QTMAN: variants seen among roughly 807,000 people sequenced by gnomAD.
QTMAN encodes tRNA-queuosine alpha-mannosyltransferase.
At chr2:144,207,569 C>A in the QTMAN span, among the ~76,000 whole-genome samples, 1 of 152,190 alleles carries the variant, frequency 6.6e-6, no homozygotes, top group Non-Finnish European at 1.5e-5. Context: ...CAGTCCTACA[C>A]ACAGGCTTAT....
chr2:144,068,180 C>T, the QTMAN span, among the ~76,000 whole-genome samples: 1 of 152,152 alleles, frequency 6.6e-6, no homozygotes, highest in Non-Finnish European at 1.5e-5. Flanking sequence ...GAGACATCTA[C>T]TTCAAGTATG....
the QTMAN span, chr2:144,005,905 C>A: frequency 6.6e-6 from 1 of 151,980 alleles, no homozygotes; most frequent in African/African-American, 2.4e-5. Flanking sequence ...TACCCTGGAA[C>A]CAACTTTTAG....
chr2:144,028,416 C>G, the QTMAN span, among the ~76,000 whole-genome samples: 1 of 152,164 alleles, frequency 6.6e-6, no homozygotes, highest in Admixed American at 6.5e-5. Context: ...ATATCAAACT[C>G]TCAACCTATA....
chr2:144,066,016 G>T, the QTMAN span, among the ~76,000 whole-genome samples: 1 of 152,102 alleles, frequency 6.6e-6, no homozygotes, highest in Non-Finnish European at 1.5e-5. Flanking sequence ...AAAGTTAGGG[G>T]AGGTAAGTTC....
the QTMAN span, among the ~76,000 whole-genome samples, chr2:144,041,191 A>C: frequency 6.6e-6 from 1 of 152,208 alleles, no homozygotes; most frequent in African/African-American, 2.4e-5. Context: ...CATAACCAGA[A>C]GTTAAGAGTT....
At chr2:144,294,056 C>G in the QTMAN span, among the ~76,000 whole-genome samples, 1 of 152,152 alleles carries the variant, frequency 6.6e-6, no homozygotes, top group Non-Finnish European at 1.5e-5. Context: ...TCTCCAAAAC[C>G]CTCTGGAAAT....
the QTMAN span, among the ~76,000 whole-genome samples, chr2:144,088,211 AAAAC>A: frequency 1.3e-4 from 20 of 152,122 alleles, no homozygotes; most frequent in East Asian, 5.8e-4. Flanking sequence ...AACTGCTACA[AAAAC>A]AAACAAACAA....
At chr2:143,984,734 AGAG>A in the QTMAN span, among the ~76,000 whole-genome samples, 1 of 152,296 alleles carries the variant, frequency 6.6e-6, no homozygotes, top group Admixed American at 6.5e-5. Flanking sequence ...CTGAACATCG[AGAG>A]GAGAAGCAGC....
At chr2:144,282,786 A>C in the QTMAN span, among the ~76,000 whole-genome samples, 1 of 152,034 alleles carries the variant, frequency 6.6e-6, no homozygotes, top group Non-Finnish European at 1.5e-5. Context: ...CACCAGAAAG[A>C]CCAAGCCGTG....
chr2:144,019,438 GTGTGTGTGT>G, the QTMAN span, among the ~76,000 whole-genome samples: 3 of 91,772 alleles, frequency 3.3e-5, no homozygotes, highest in Admixed American at 1.2e-4. Flanking sequence ...GCATGCAGGT[GTGTGTGTGT>G]GTGTGTGTGT....
the QTMAN span, among the ~76,000 whole-genome samples, chr2:144,269,125 CG>C: frequency 6.6e-6 from 1 of 152,114 alleles, no homozygotes; most frequent in East Asian, 1.9e-4. Context: ...TATAAATCTA[CG>C]TAAGATGTTA....
At chr2:144,197,579 T>C in the QTMAN span, among the ~76,000 whole-genome samples, 1 of 152,164 alleles carries the variant, frequency 6.6e-6, no homozygotes, top group African/African-American at 2.4e-5. Context: ...CTCTGTAATT[T>C]TGACTAAATT....
chr2:144,053,914 G>A, the QTMAN span, among the ~76,000 whole-genome samples: 2 of 152,196 alleles, frequency 1.3e-5, no homozygotes, highest in Admixed American at 6.5e-5. Context: ...CTGGCCGGGC[G>A]TGGTGGCTCA....
chr2:143,960,576 C>A, the QTMAN span, among the ~76,000 whole-genome samples: 1 of 151,946 alleles, frequency 6.6e-6, no homozygotes. Flanking sequence ...TTTAGTCAGC[C>A]TCACAAAGAC....
chr2:143,955,112 G>T, the QTMAN span, among the ~76,000 whole-genome samples: 1 of 152,124 alleles, frequency 6.6e-6, no homozygotes, highest in Non-Finnish European at 1.5e-5. Flanking sequence ...TTACTGTAAT[G>T]AGGATGAGAC....
the QTMAN span, among the ~76,000 whole-genome samples, chr2:144,180,103 T>C: frequency 4.6e-5 from 7 of 152,116 alleles, no homozygotes; most frequent in Admixed American, 2.0e-4. Flanking sequence ...AAACATACAG[T>C]GGAACAAACA....
chr2:144,315,175 G>A, the QTMAN span, among the ~76,000 whole-genome samples: 7 of 152,118 alleles, frequency 4.6e-5, no homozygotes, highest in South Asian at 2.1e-4. Context: ...ATGAGCCATC[G>A]CATCCGGCCC....
At chr2:144,108,895 A>G in the QTMAN span, among the ~76,000 whole-genome samples, 25,130 of 151,968 alleles carry the variant, frequency 0.17, 3,997 homozygotes, top group African/African-American at 0.4. Flanking sequence ...ACAAACCACT[A>G]CTCAAAGAAA....
At chr2:144,184,318 C>T in the QTMAN span, among the ~76,000 whole-genome samples, 2 of 152,002 alleles carry the variant, frequency 1.3e-5, no homozygotes, top group African/African-American at 4.8e-5. Flanking sequence ...AGATTTTCTA[C>T]AAGTGTTAAC....
Sources: allele counts gnomAD v4.1 joint callset (sites outside exome capture counted in the v4.1 genomes callset), GRCh38; gene constraint gnomAD v4.1.1; transcripts MANE v1.5; gene names NCBI Gene and HGNC (gene_info 2026-07-23, HGNC 2026-07-21).